The following ERO1A variants were observed in gnomAD, a reference collection of about 807,000 sequenced individuals.
ERO1A encodes the protein endoplasmic reticulum oxidoreductase 1 alpha.
Under a neutral mutation model 76.9 loss-of-function variants are expected in ERO1A, and 49 were observed. The observed-to-expected ratio is 0.64, with a 90% CI of 0.51 to 0.81. The LOEUF is 0.81. Ranked by LOEUF, ERO1A falls within the 30% of genes least tolerant of loss-of-function variation. The pLI, the probability that ERO1A is intolerant of heterozygous loss-of-function variation, is 0.00. For synonymous variants in ERO1A, 174 were observed against 181.2 expected (o/e 0.96, Z 0.32); for missense variants, 448 against 542.1 (o/e 0.83, Z 1.72).
At chr14:52,643,744 G>C (rs1239056395) in intron 15 of ERO1A, 114 bp from the exon 16 acceptor site, 1 of 600,952 alleles carries the variant, frequency 1.7e-6, no homozygotes, top group Non-Finnish European at 2.8e-6. Context: ...ATAAATTTAA[G>C]GTGCATAAAC....
At chr14:52,683,665 T>C in intron 2 of ERO1A, 123 bp downstream of exon 2, 1 of 464,086 alleles carries the variant, frequency 2.2e-6, no homozygotes. Context: ...ATGAACTGAA[T>C]TTTCTTAATA....
chr14:52,691,989 G>C (rs1371420470), intron 1 of ERO1A, among the ~76,000 whole-genome samples: 1 of 152,230 alleles, frequency 6.6e-6, no homozygotes, highest in African/African-American at 2.4e-5. Flanking sequence ...AGCAGGATTT[G>C]ATATCAACTA....
intron 15 of ERO1A, 47 bp downstream of exon 15, chr14:52,646,107 T>A: frequency 6.4e-7 from 1 of 1,571,054 alleles, no homozygotes; most frequent in Non-Finnish European, 8.6e-7. Flanking sequence ...ATATGTTGCA[T>A]TAGACTTACT....
intron 11 of ERO1A, among the ~76,000 whole-genome samples, chr14:52,656,750 T>C (rs1215875437): frequency 1.3e-5 from 2 of 148,650 alleles, no homozygotes; most frequent in Non-Finnish European, 3.0e-5. Flanking sequence ...TACTAATGAG[T>C]TTAAACCGCC....
intron 6 of ERO1A, among the ~76,000 whole-genome samples, chr14:52,670,696 G>A (rs1227912987): frequency 6.6e-6 from 1 of 152,112 alleles, no homozygotes; most frequent in African/African-American, 2.4e-5. Flanking sequence ...CAATCCAACA[G>A]CAATGTAACT....
intron 1 of ERO1A, among the ~76,000 whole-genome samples, chr14:52,686,694 G>A (rs915174046): frequency 6.6e-6 from 1 of 152,140 alleles, no homozygotes; most frequent in African/African-American, 2.4e-5. Flanking sequence ...TAGCCAACAT[G>A]GTGAAACCCT....
At chr14:52,665,449 C>CA (rs200977037) in intron 7 of ERO1A, among the ~76,000 whole-genome samples, 119 of 142,996 alleles carry the variant, frequency 8.3e-4, no homozygotes, top group African/African-American at 1.6e-3. Context: ...TTCTTCAAGT[C>CA]AAAAAAAAAA....
chr14:52,693,597 C>G (rs1412748934), intron 1 of ERO1A, among the ~76,000 whole-genome samples: 1 of 152,180 alleles, frequency 6.6e-6, no homozygotes, highest in Non-Finnish European at 1.5e-5. Flanking sequence ...TCACTCCATC[C>G]TGCCACCTCA....
rs758620217 is a variant in ERO1A at position 52,654,769 on chromosome 14, T to G, written c.809-1454A>C. On this transcript the variant is annotated intron_variant, in intron 11 of 15. Transcript: ENST00000395686. Reference sequence around the variant, plus strand: ...TTTATTTCCTAGTTATCTTTAGTTTTGTTTGTCCTATTATGTGTCTTCTAA... The same window carrying G: ...TTTATTTCCTAGTTATCTTTAGTTTGGTTTGTCCTATTATGTGTCTTCTAA... Among the ~76,000 whole-genome samples, 91 of 152,336 alleles carry G rather than the reference T, an allele frequency of 6.0e-4. 1 individual carries two copies. The highest frequency in any genetic ancestry group is 9.8e-4 in the Non-Finnish European group (67 of 68,026).
intron 9 of ERO1A, among the ~76,000 whole-genome samples, chr14:52,660,988 G>C (rs564051116): frequency 6.6e-6 from 1 of 152,174 alleles, no homozygotes; most frequent in Non-Finnish European, 1.5e-5. Context: ...CAGTAAAAGA[G>C]AGAGGACATT....
At chr14:52,669,336 A>T (rs1346641178) in intron 6 of ERO1A, among the ~76,000 whole-genome samples, 1 of 152,174 alleles carries the variant, frequency 6.6e-6, no homozygotes, top group East Asian at 1.9e-4. Context: ...TCCTTTTTCT[A>T]ACAGTGGAGG....
rs377686639 is a variant in ERO1A, at chr14:52,666,698, A to T, written c.509-203T>A. Among the ~76,000 whole-genome samples the T allele has an allele frequency of 1.1e-4, 16 of 152,318 alleles. No individual in the cohort carries two copies. In the East Asian group the frequency reaches 3.1e-3, roughly 29 times the overall value. ...GTAATCCCAGCACTTTGGGAGGCCA[A>T]GGTGGGCGGATCACTTGAGGTCAGG... On this transcript the variant is annotated intron_variant, in intron 6 of 15. Transcript: ENST00000395686.
chr14:52,693,308 A>G (rs1272893763), intron 1 of ERO1A, among the ~76,000 whole-genome samples: 1 of 152,054 alleles, frequency 6.6e-6, no homozygotes, highest in East Asian at 1.9e-4. Flanking sequence ...ATAAGCAGGC[A>G]GAAAAACGTG....
At chr14:52,690,941 A>G (rs2041334079) in intron 1 of ERO1A, among the ~76,000 whole-genome samples, 1 of 151,802 alleles carries the variant, frequency 6.6e-6, no homozygotes, top group South Asian at 2.1e-4. Flanking sequence ...CTAATTTTGT[A>G]TTTTTAGTAG....
intron 2 of ERO1A, among the ~76,000 whole-genome samples, chr14:52,683,098 C>A (rs1324003325): frequency 6.6e-6 from 1 of 152,030 alleles, no homozygotes; most frequent in Admixed American, 6.6e-5. Context: ...ATCCCAGTTA[C>A]TTGGGAGGCT....
intron 15 of ERO1A, 107 bp from the exon 16 acceptor site, chr14:52,643,737 A>C (rs2039551459): frequency 1.6e-6 from 1 of 624,000 alleles, no homozygotes; most frequent in Admixed American, 3.9e-5. Flanking sequence ...TATTTCAATA[A>C]ATTTAAGGTG....
At chr14:52,674,252 G>A (rs564700553) in intron 4 of ERO1A, among the ~76,000 whole-genome samples, 25 of 152,288 alleles carry the variant, frequency 1.6e-4, no homozygotes, top group Non-Finnish European at 3.2e-4. Flanking sequence ...CTGGAGTGCA[G>A]TGACATAATC....
At chr14:52,665,858 T>C (rs553966023) in intron 7 of ERO1A, among the ~76,000 whole-genome samples, 26 of 152,312 alleles carry the variant, frequency 1.7e-4, no homozygotes, top group African/African-American at 5.5e-4. Context: ...ACAGGGTTAT[T>C]GCAAGGACTG....
chr14:52,691,083 ATG>A (rs2041338977), intron 1 of ERO1A, among the ~76,000 whole-genome samples: 1 of 152,244 alleles, frequency 6.6e-6, no homozygotes, highest in African/African-American at 2.4e-5. Flanking sequence ...TGCAATTTTT[ATG>A]TGTCAATAAA....
Sources: allele counts gnomAD v4.1 joint callset (sites outside exome capture counted in the v4.1 genomes callset), GRCh38; gene constraint gnomAD v4.1.1; transcripts MANE v1.5; gene names NCBI Gene and HGNC (gene_info 2026-07-23, HGNC 2026-07-21).